ORC5: variants seen among roughly 807,000 people sequenced by gnomAD.
ORC5 encodes protein phosphatase 1, regulatory subunit 117.
In ORC5, 39 loss-of-function variants were observed where a neutral mutation model predicts 58.8. The ratio of observed to expected loss-of-function variants is 0.66; its 90% confidence interval spans 0.51 to 0.87. The LOEUF (loss-of-function observed/expected upper bound fraction) is 0.87. Among genes scored for constraint, ORC5 ranks in the 40% least tolerant of loss-of-function variants. The pLI, the probability that ORC5 is intolerant of heterozygous loss-of-function variation, is 0.00. For missense variants in ORC5, 493 were observed against 506.3 expected (o/e 0.97, Z 0.25); for synonymous variants, 218 against 177.6 (o/e 1.23, Z -1.81).
chr7:104,127,705 CCAT>C (rs1037502063), intron 13 of ORC5, among the ~76,000 whole-genome samples: 2 of 152,120 alleles, frequency 1.3e-5, no homozygotes, highest in Admixed American at 6.5e-5. Flanking sequence ...ATTTATTAAA[CCAT>C]CATCAATTAA....
At chr7:104,188,027 C>G in intron 6 of ORC5, 1 of 1,100,750 alleles carries the variant, frequency 9.1e-7, no homozygotes, top group Non-Finnish European at 1.1e-6. Context: ...TTTTTCTGAT[C>G]AGATCAAACA....
chr7:104,206,281 AT>A (rs541567186), intron 1 of ORC5, among the ~76,000 whole-genome samples: 1 of 152,184 alleles, frequency 6.6e-6, no homozygotes, highest in Non-Finnish European at 1.5e-5. Flanking sequence ...ACATGAACCA[AT>A]TTTTTATATT....
At chr7:104,185,807 T>C (rs994949881) in intron 6 of ORC5, among the ~76,000 whole-genome samples, 11 of 151,846 alleles carry the variant, frequency 7.2e-5, no homozygotes, top group East Asian at 1.9e-4. Flanking sequence ...AAAATATATA[T>C]ATATTAGTTT....
intron 13 of ORC5, among the ~76,000 whole-genome samples, chr7:104,128,940 A>G (rs1397352591): frequency 1.3e-5 from 2 of 151,900 alleles, no homozygotes; most frequent in East Asian, 3.9e-4. Context: ...TTTTTGAAGC[A>G]GGTAAGATTA....
intron 8 of ORC5, among the ~76,000 whole-genome samples, chr7:104,173,100 C>CTT (rs1217591689): frequency 6.6e-6 from 1 of 151,936 alleles, no homozygotes; most frequent in Non-Finnish European, 1.5e-5. Flanking sequence ...ACGGATAATG[C>CTT]TTGATAAAAG....
Position 104,129,375 on chromosome 7 carries a change from T to C in ORC5, c.1263-2482A>G, listed in dbSNP as rs1000506498. On this transcript the variant is annotated intron_variant, in intron 13 of 13. Coordinates refer to ENST00000297431, the MANE Select transcript of ORC5 (RefSeq NM_002553.4). This position sits in a 1 kb window ranked among gnomAD's most constrained non-coding sequence, Gnocchi z 4.9. ...GTAAGTATTCATGCAAACTGAATCA[T>C]AGTAAGAGTTTTAGATTAAAAAAAA... Among the ~76,000 whole-genome samples the C allele has an allele frequency of 3.3e-5, 5 of 152,164 alleles. No individual in the cohort carries two copies. Among genetic ancestry groups the C allele is most frequent in the East Asian group, 3.8e-4 (2 of 5,200 alleles).
chr7:104,181,662 G>T (rs1481658985), intron 8 of ORC5, among the ~76,000 whole-genome samples: 2 of 151,948 alleles, frequency 1.3e-5, no homozygotes, highest in Non-Finnish European at 2.9e-5. Context: ...TGTGGTGGTG[G>T]GCACCTGTAG....
intron 1 of ORC5, 81 bp downstream of exon 1, chr7:104,207,752 G>A: frequency 7.0e-7 from 1 of 1,419,040 alleles, no homozygotes. Flanking sequence ...ATCCAAACAC[G>A]AAAAAACAAA....
chr7:104,181,484 T>C (rs1215705543), intron 8 of ORC5, among the ~76,000 whole-genome samples: 1 of 152,160 alleles, frequency 6.6e-6, no homozygotes, highest in Non-Finnish European at 1.5e-5. Flanking sequence ...TGTCATATCA[T>C]ATTAGAAAAT....
intron 10 of ORC5, among the ~76,000 whole-genome samples, chr7:104,166,097 T>C (rs1799102913): frequency 6.6e-6 from 1 of 151,922 alleles, no homozygotes; most frequent in Non-Finnish European, 1.5e-5. Context: ...TGAATAAATA[T>C]AAATTGTTGT....
intron 12 of ORC5, among the ~76,000 whole-genome samples, chr7:104,140,273 C>G (rs1403920540): frequency 1.3e-5 from 2 of 152,034 alleles, no homozygotes; most frequent in Non-Finnish European, 2.9e-5. Flanking sequence ...TTTAATATAT[C>G]TAATGATTTT....
intron 6 of ORC5, 163 bp downstream of exon 6, chr7:104,188,088 T>A (rs1363368961): frequency 3.2e-6 from 3 of 929,202 alleles, no homozygotes; most frequent in Non-Finnish European, 4.3e-6. Flanking sequence ...GGTATGTTAG[T>A]CTCTAGAGGC....
chr7:104,204,467 C>T (rs979838393), intron 1 of ORC5, among the ~76,000 whole-genome samples: 2 of 152,004 alleles, frequency 1.3e-5, no homozygotes, highest in Non-Finnish European at 2.9e-5. Flanking sequence ...TTATTATGTA[C>T]TATATATTTA....
intron 12 of ORC5, among the ~76,000 whole-genome samples, chr7:104,148,484 A>C (rs986019538): frequency 1.3e-5 from 2 of 152,220 alleles, no homozygotes; most frequent in African/African-American, 4.8e-5. Context: ...AAAAAGCCTT[A>C]AATGAAATTG....
intron 2 of ORC5, 44 bp downstream of exon 2, chr7:104,204,098 T>C (rs1163125712): frequency 7.5e-6 from 8 of 1,073,242 alleles, no homozygotes; most frequent in Non-Finnish European, 9.7e-6. Context: ...ACCAATATTA[T>C]ACACTAAAAA....
rs1198359641 is a variant in ORC5, at chr7:104,138,876, A to G, written c.1150-1983T>C. Among the ~76,000 whole-genome samples, 1 of 152,266 alleles carries G rather than the reference A, an allele frequency of 6.6e-6. No homozygotes were observed. Among genetic ancestry groups the G allele is most frequent in the African/African-American group, 2.4e-5 (1 of 41,476 alleles). On this transcript the variant is annotated intron_variant, in intron 12 of 13. Coordinates refer to ENST00000297431, the MANE Select transcript of ORC5 (RefSeq NM_002553.4). This position sits in a 1 kb window ranked among gnomAD's most constrained non-coding sequence, Gnocchi z 4.7. ...CACCAGAAGGATTATTAGTAAAAGC[A>G]AAAGTGTATTTTGATAGGTCAAAAT...
At chr7:104,150,811 C>T (rs1798831427) in intron 12 of ORC5, among the ~76,000 whole-genome samples, 1 of 152,014 alleles carries the variant, frequency 6.6e-6, no homozygotes, top group African/African-American at 2.4e-5. Context: ...ACGTCTATGC[C>T]CTCAAACATC....
In ORC5 at chr7:104,130,845, T is replaced by C. The variant is rs149001807; in HGVS notation, c.1263-3952A>G. On this transcript the variant is annotated intron_variant, in intron 13 of 13. Transcript: ENST00000297431. Reference sequence around the variant, plus strand: ...TCTACAAACATTAACTGAGTATCTATATGCTAGGCACTGAATTATTAGCCC... The same window carrying C: ...TCTACAAACATTAACTGAGTATCTACATGCTAGGCACTGAATTATTAGCCC... 9.4e-3 allele frequency among the ~76,000 whole-genome samples: 1,432 copies of C among 152,320 alleles called. 20 individuals carry two copies. The highest frequency in any genetic ancestry group is 0.012 in the Non-Finnish European group (809 of 68,028).
intron 8 of ORC5, among the ~76,000 whole-genome samples, chr7:104,181,415 G>T (rs1057059685): frequency 1.3e-5 from 2 of 151,610 alleles, no homozygotes; most frequent in African/African-American, 2.4e-5. Flanking sequence ...ATAAGAATTT[G>T]CTCTCTCTTT....
Sources: gnomAD v4.1 joint callset for allele counts (sites outside exome capture counted in the v4.1 genomes callset) on GRCh38, gnomAD v4.1.1 for gene constraint, Gnocchi (gnomAD v3.1) non-coding constraint, MANE v1.5 for transcripts, NCBI Gene and HGNC (gene_info 2026-07-23, HGNC 2026-07-21) for gene names.